The following SDHAF2 variants were observed in gnomAD, a reference collection of about 807,000 sequenced individuals.
The protein encoded by SDHAF2 is succinate dehydrogenase complex assembly factor 2.
In SDHAF2, 21 loss-of-function variants were observed where a neutral mutation model predicts 18.5. The observed-to-expected ratio is 1.13, with a 90% confidence interval of 0.80 to 1.63. The LOEUF (loss-of-function observed/expected upper bound fraction) is 1.63. Ranked by LOEUF, SDHAF2 falls within the 40% of genes most tolerant of loss-of-function variation. The probability of loss-of-function intolerance (pLI) is 0.00; values close to 1 mark genes in which losing one functional copy is unlikely to be tolerated. For synonymous variants in SDHAF2, 84 were observed against 70.7 expected, an observed-to-expected ratio of 1.19 and a Z score of -0.94; for missense variants, 195 against 200.3, an observed-to-expected ratio of 0.97 and a Z score of 0.16.
intron 3 of SDHAF2, among the ~76,000 whole-genome samples, chr11:61,439,194 C>G (rs1173904155): frequency 6.6e-6 from 1 of 152,132 alleles, no homozygotes; most frequent in Non-Finnish European, 1.5e-5. Context: ...GACAGAAGTC[C>G]AGAGGAAGGC....
chr11:61,438,452 G>T (rs1862024570), intron 3 of SDHAF2: 1 of 358,302 alleles, frequency 2.8e-6, no homozygotes, highest in Admixed American at 4.3e-5. Flanking sequence ...GCCCGCCTCG[G>T]CCTCCCAAAA....
intron 3 of SDHAF2, among the ~76,000 whole-genome samples, chr11:61,443,956 G>A (rs1465821753): frequency 6.6e-6 from 1 of 152,094 alleles, no homozygotes; most frequent in Non-Finnish European, 1.5e-5. Flanking sequence ...TGTATTTTCA[G>A]TAGAGACGGG....
At position 61,445,867 on chromosome 11, in the gene SDHAF2, C is replaced by T. The variant is rs188724439; in HGVS notation, c.371-74C>T. 1,690 of 1,552,374 alleles carry T rather than the reference C, an allele frequency of 1.1e-3. 28 individuals are homozygous for T. In the Admixed American group the frequency reaches 0.025, roughly 23 times the overall value. ...CATCTGTGGTTCTTGGCCAGTGTTT[C>T]GAGTTTTAAGATTCTCATACCTGAG... On this transcript the variant is annotated intron_variant, in intron 3 of 3. Transcript: ENST00000301761.
chr11:61,431,570 C>A (rs1861913942), intron 1 of SDHAF2: 1 of 152,072 alleles, frequency 6.6e-6, no homozygotes, highest in African/African-American at 2.4e-5. Context: ...TGTGAATTTT[C>A]CACCTTTTCT....
chr11:61,446,176 C>A lies in SDHAF2; in HGVS notation c.*105C>A. 7.7e-7 allele frequency: 1 copy of A among 1,292,652 alleles called. No homozygotes were observed. Among genetic ancestry groups the A allele is most frequent in the Non-Finnish European group, 1.1e-6 (1 of 896,206 alleles). 80.1% of individuals were successfully genotyped at this position (1,292,652 alleles called of 1,614,324 possible). A position where few individuals can be genotyped will look rare whatever the true frequency, so the allele number is the denominator to read the frequency against. On this transcript the variant is annotated 3_prime_UTR_variant, in exon 4 of 4. Transcript: ENST00000301761. Reference sequence around the variant, plus strand: ...TTCTTAGATGCCCAGCTGCCCTACCCCAGACCACTGGTCCTGCCTCAAGTG... The same window carrying A: ...TTCTTAGATGCCCAGCTGCCCTACCACAGACCACTGGTCCTGCCTCAAGTG...
intron 3 of SDHAF2, among the ~76,000 whole-genome samples, chr11:61,439,371 T>G (rs1020636181): frequency 6.6e-6 from 1 of 152,212 alleles, no homozygotes; most frequent in Admixed American, 6.5e-5. Context: ...TAGATCCCGC[T>G]CAGGAAATTA....
chr11:61,446,047 G>A lies in SDHAF2; in HGVS notation c.477G>A (p.Glu159=), dbSNP rs1285661778. 1 of 1,614,064 alleles carries A rather than the reference G, an allele frequency of 6.2e-7. No individual in the cohort carries two copies. Among genetic ancestry groups the A allele is most frequent in the African/African-American group, 1.3e-5 (1 of 74,930 alleles). ...KEQRLRAPDL[E]YLFEKPR ...AGAGACTGCGTGCCCCAGATCTTGAGTACCTCTTTGAAAAGCCACGTTGAG... is the reference window on the plus strand; with the variant it reads ...AGAGACTGCGTGCCCCAGATCTTGAATACCTCTTTGAAAAGCCACGTTGAG... Residue 159 remains glutamate, a synonymous_variant, in exon 4 of 4, where the codon GAG becomes GAA. Transcript: ENST00000301761.
chr11:61,436,763 A>G (rs1252150086), intron 1 of SDHAF2: 2 of 651,542 alleles, frequency 3.1e-6, no homozygotes, highest in Non-Finnish European at 2.4e-6. Context: ...TCTCACAGGG[A>G]ATTGGTTTGT....
chr11:61,440,327 G>A lies in SDHAF2; in HGVS notation c.370+2214G>A, dbSNP rs146906341. Among the ~76,000 whole-genome samples, 172 of 151,388 alleles carry A rather than the reference G, an allele frequency of 1.1e-3. 2 individuals carry two copies. Among genetic ancestry groups the A allele is most frequent in the Admixed American group, 3.3e-3 (50 of 15,172 alleles). On this transcript the variant is annotated intron_variant, in intron 3 of 3. Transcript: ENST00000301761. ...CAAAAAAATAAATAGGGCTGGGCGC[G>A]GTGAGTCAACACCTGTAATCCCAGC...
chr11:61,430,723 G>A (rs986446866), intron 1 of SDHAF2: 2 of 156,882 alleles, frequency 1.3e-5, no homozygotes, highest in African/African-American at 4.8e-5. Flanking sequence ...ATACAGTACA[G>A]TGTTATTAGC....
chr11:61,432,629 G>C (rs1423188376), intron 1 of SDHAF2: 2 of 151,856 alleles, frequency 1.3e-5, no homozygotes, highest in Admixed American at 1.3e-4. Context: ...TTTGTAAACT[G>C]TTCTCTGTCT....
chr11:61,444,236 G>C (rs1209280663), intron 3 of SDHAF2: 5 of 152,224 alleles, frequency 3.3e-5, no homozygotes, highest in Non-Finnish European at 7.3e-5. Flanking sequence ...TACCAATCAG[G>C]TGTCTGCTGT....
intron 3 of SDHAF2, among the ~76,000 whole-genome samples, chr11:61,441,376 C>T (rs1181975721): frequency 6.6e-6 from 1 of 151,956 alleles, no homozygotes; most frequent in Non-Finnish European, 1.5e-5. Flanking sequence ...ACTAAAAATA[C>T]TGGGCGTGGT....
intron 1 of SDHAF2, among the ~76,000 whole-genome samples, chr11:61,436,428 G>T (rs1450346519): frequency 6.6e-6 from 1 of 152,182 alleles, no homozygotes; most frequent in Non-Finnish European, 1.5e-5. Flanking sequence ...AGTGATGAGG[G>T]AGTGAGTGCT....
chr11:61,442,736 C>T (rs1862084202), intron 3 of SDHAF2, among the ~76,000 whole-genome samples: 1 of 151,996 alleles, frequency 6.6e-6, no homozygotes. Context: ...TTAATATTGT[C>T]CAACAGCTGT....
intron 3 of SDHAF2, among the ~76,000 whole-genome samples, chr11:61,443,219 A>G (rs957166867): frequency 2.6e-5 from 4 of 152,228 alleles, no homozygotes; most frequent in African/African-American, 9.6e-5. Context: ...ACCATTCTGC[A>G]TATCTGCTAC....
intron 1 of SDHAF2, chr11:61,432,655 C>T (rs1020687368): frequency 6.6e-6 from 1 of 151,420 alleles, no homozygotes; most frequent in Admixed American, 6.6e-5. Flanking sequence ...CCTTTTTGCT[C>T]CTCTTTTCCA....
At chr11:61,437,902 A>G in intron 2 of SDHAF2, 54 bp downstream of exon 2, 1 of 1,563,300 alleles carries the variant, frequency 6.4e-7, no homozygotes, top group Non-Finnish European at 8.8e-7. Flanking sequence ...GAGCCAGAGT[A>G]GGTTCAGAGA....
At chr11:61,438,601 A>T in intron 3 of SDHAF2, among the ~76,000 whole-genome samples, 1 of 152,198 alleles carries the variant, frequency 6.6e-6, no homozygotes, top group Non-Finnish European at 1.5e-5. Context: ...TTTATTTGCG[A>T]GACAGAGTGG....
Sources: gnomAD v4.1 joint callset for allele counts (sites outside exome capture counted in the v4.1 genomes callset) on GRCh38, gnomAD v4.1.1 for gene constraint, MANE v1.5 for transcripts, NCBI Gene and HGNC (gene_info 2026-07-23, HGNC 2026-07-21) for gene names.